TNNI3K: variants seen among roughly 807,000 people sequenced by gnomAD.
TNNI3K encodes TNNI3 interacting kinase, also known as serine/threonine-protein kinase TNNI3K.
Under a neutral mutation model 114.5 loss-of-function variants are expected in TNNI3K, and 140 were observed. The ratio of observed to expected loss-of-function variants is 1.22; its 90% CI spans 1.07 to 1.41. The LOEUF (loss-of-function observed/expected upper bound fraction) is 1.41. TNNI3K is among the 40% of genes most tolerant of loss of function. The pLI, the probability that TNNI3K is intolerant of heterozygous loss-of-function variation, is 0.00. For missense variants in TNNI3K, 1,125 were observed against 1,007.6 expected (o/e 1.12, Z -1.58); for synonymous variants, 347 against 347.5 (o/e 1.00, Z 0.02).
intron 5 of TNNI3K, among the ~76,000 whole-genome samples, chr1:74,289,879 A>G (rs1435036936): frequency 1.3e-5 from 2 of 151,746 alleles, no homozygotes; most frequent in South Asian, 4.2e-4. Flanking sequence ...ATGAATTGTT[A>G]GAATGAGAGA....
At position 74,277,255 on chromosome 1, in the gene TNNI3K, A is replaced by G. The variant is rs945145024; in HGVS notation, c.444+5547A>G. On this transcript the variant is annotated intron_variant, in intron 5 of 24. Coordinates refer to ENST00000326637, the MANE Select transcript of TNNI3K (RefSeq NM_015978.3). ...GGACTGGAGAAGCTGAATGACATCT[A>G]CATGGGCATTCAGATGATAAATAAA... Among the ~76,000 whole-genome samples the G allele has an allele frequency of 1.3e-5, 2 of 152,114 alleles. 1 individual carries two copies. The highest frequency in any genetic ancestry group is 1.3e-4 in the Admixed American group (2 of 15,272).
chr1:74,501,653 A>C (rs2100343351), intron 23 of TNNI3K, among the ~76,000 whole-genome samples: 1 of 151,928 alleles, frequency 6.6e-6, no homozygotes, highest in South Asian at 2.1e-4. Context: ...CGCCCGGGTA[A>C]TTTTTGTACT....
At chr1:74,403,016 T>A (rs1664447269) in intron 17 of TNNI3K, among the ~76,000 whole-genome samples, 1 of 152,194 alleles carries the variant, frequency 6.6e-6, no homozygotes, top group Admixed American at 6.5e-5. Flanking sequence ...ATTTTTTCAT[T>A]CTAATGATGA....
chr1:74,470,762 G>A (rs1483633548), intron 21 of TNNI3K: 1 of 400,426 alleles, frequency 2.5e-6, no homozygotes, highest in Non-Finnish European at 4.4e-6. Context: ...TGCTCTCTGT[G>A]TTGTAAGGCT....
chr1:74,344,880 G>C (rs369042458), intron 9 of TNNI3K, among the ~76,000 whole-genome samples: 1 of 151,956 alleles, frequency 6.6e-6, no homozygotes, highest in East Asian at 1.9e-4. Context: ...CTCCTTTTAC[G>C]TGAGGAATTC....
intron 22 of TNNI3K, among the ~76,000 whole-genome samples, chr1:74,490,683 T>C (rs1421433191): frequency 1.3e-5 from 2 of 152,178 alleles, no homozygotes; most frequent in Admixed American, 1.3e-4. Flanking sequence ...CCTTATCCTC[T>C]CTATTCTTCA....
At chr1:74,359,297 A>G (rs1297643253) in intron 11 of TNNI3K, among the ~76,000 whole-genome samples, 1 of 152,076 alleles carries the variant, frequency 6.6e-6, no homozygotes, top group African/African-American at 2.4e-5. Flanking sequence ...CAGAGTCTCA[A>G]TAAGAATGGC....
chr1:74,475,268 G>A (rs1668136879), intron 21 of TNNI3K: 1 of 625,072 alleles, frequency 1.6e-6, no homozygotes, highest in Admixed American at 2.9e-5. Flanking sequence ...AAACGGAGTG[G>A]GATTTTCTAA....
intron 4 of TNNI3K, among the ~76,000 whole-genome samples, chr1:74,256,308 T>C (rs1474795486): frequency 6.9e-6 from 1 of 144,542 alleles, no homozygotes; most frequent in Non-Finnish European, 1.5e-5. Context: ...TTTTTTTTTT[T>C]TTTTTTTTGG....
intron 23 of TNNI3K, among the ~76,000 whole-genome samples, chr1:74,539,164 G>A (rs115737883): frequency 6.6e-6 from 1 of 152,138 alleles, no homozygotes; most frequent in Non-Finnish European, 1.5e-5. Flanking sequence ...GATAGTTTAG[G>A]ATTATATTTT....
At chr1:74,395,090 G>A (rs190122082) in intron 17 of TNNI3K, among the ~76,000 whole-genome samples, 1 of 151,586 alleles carries the variant, frequency 6.6e-6, no homozygotes, top group Admixed American at 6.6e-5. Flanking sequence ...CACAACAACT[G>A]ATAGGTGACA....
chr1:74,279,610 A>ATGAATGAT (rs1435772871), intron 5 of TNNI3K, among the ~76,000 whole-genome samples: 1 of 152,094 alleles, frequency 6.6e-6, no homozygotes, highest in Non-Finnish European at 1.5e-5. Context: ...GAATGAATGA[A>ATGAATGAT]TGAATAGAAA....
intron 4 of TNNI3K, among the ~76,000 whole-genome samples, chr1:74,257,209 G>A (rs961863569): frequency 2.6e-5 from 4 of 151,936 alleles, no homozygotes; most frequent in East Asian, 1.9e-4. Flanking sequence ...TTACTTTTCC[G>A]TTCTAGGATT....
At chr1:74,375,950 A>T (rs1326883902) in intron 17 of TNNI3K, 1 of 169,480 alleles carries the variant, frequency 5.9e-6, no homozygotes, top group Non-Finnish European at 1.3e-5. Flanking sequence ...TTTTTATATG[A>T]TATAACTAAT....
At chr1:74,424,552 C>G (rs891880768) in intron 17 of TNNI3K, among the ~76,000 whole-genome samples, 1 of 151,796 alleles carries the variant, frequency 6.6e-6, no homozygotes, top group African/African-American at 2.4e-5. Flanking sequence ...AACCCCATCT[C>G]TAATAAAAAT....
At chr1:74,499,880 T>C (rs1669519833) in intron 23 of TNNI3K, among the ~76,000 whole-genome samples, 2 of 152,138 alleles carry the variant, frequency 1.3e-5, no homozygotes, top group African/African-American at 4.8e-5. Context: ...GTGTGATAAA[T>C]AGTTACATCC....
At chr1:74,321,568 TC>T (rs1295804716) in intron 5 of TNNI3K, among the ~76,000 whole-genome samples, 3 of 152,004 alleles carry the variant, frequency 2.0e-5, no homozygotes, top group East Asian at 3.9e-4. Context: ...TCTCATCACT[TC>T]CTGAGAAGTG....
chr1:74,536,246 G>T (rs1228331383), intron 23 of TNNI3K, among the ~76,000 whole-genome samples: 2 of 152,006 alleles, frequency 1.3e-5, no homozygotes, highest in African/African-American at 2.4e-5. Flanking sequence ...TTTACCTAGG[G>T]TGCATTAATT....
intron 21 of TNNI3K, chr1:74,464,796 C>T (rs1033070697): frequency 4.6e-6 from 7 of 1,519,396 alleles, no homozygotes; most frequent in Non-Finnish European, 6.2e-6. Context: ...TGTTTAGAAT[C>T]TTCCATCACT....
Sources: allele counts gnomAD v4.1 joint callset (sites outside exome capture counted in the v4.1 genomes callset), GRCh38; gene constraint gnomAD v4.1.1; transcripts MANE v1.5; gene names NCBI Gene and HGNC (gene_info 2026-07-23, HGNC 2026-07-21).